Variants in IRAK3 observed in about 807,000 individuals in gnomAD.
IRAK3 encodes interleukin 1 receptor associated kinase 3.
IRAK3 carries 57 observed loss-of-function variants against 56.6 expected under a neutral mutation model. That is an observed-to-expected ratio of 1.01 (90% CI 0.81 to 1.26). The LOEUF is 1.26. IRAK3 is among the 50% of genes most tolerant of loss of function. IRAK3 has a pLI of 0.00. For synonymous variants in IRAK3, 258 were observed against 255.7 expected (o/e 1.01, Z -0.09); for missense variants, 703 against 719.0 (o/e 0.98, Z 0.25).
rs377162551 is a variant in IRAK3 at position 66,244,593 on chromosome 12, G to C, written c.995G>C (p.Ser332Thr). 1 of 1,613,034 alleles carries C rather than the reference G, an allele frequency of 6.2e-7. No homozygotes were observed. The highest frequency in any genetic ancestry group is 1.1e-5 in the South Asian group (1 of 91,030). ...CAGAGTTGTACCATAAATATGACCA[G>C]CAGCAGCAGTAAACATCTGTGGTAC... ...EHQSCTINMT[S>T]SSSKHLWYMP... The change falls in exon 9 of 12, where the codon AGC becomes ACC. Residue 332 changes from serine (S) to threonine (T), a missense_variant. Transcript: ENST00000261233.
intron 8 of IRAK3, among the ~76,000 whole-genome samples, chr12:66,237,953 A>G (rs980917045): frequency 3.3e-5 from 5 of 152,206 alleles, no homozygotes; most frequent in African/African-American, 4.8e-5. Flanking sequence ...AGTATCTTCT[A>G]TAGACTCAAC....
rs2053129886 is a variant in IRAK3 at position 66,254,130 on chromosome 12, A to C, written c.*5959A>C. 6.6e-6 allele frequency: 1 copy of C among 152,112 alleles called. No homozygotes were observed. The highest frequency in any genetic ancestry group is 6.5e-5 in the Admixed American group (1 of 15,276). The allele number at this position is 152,112 out of a possible 1,614,324, so 9.4% of individuals were successfully genotyped here. On this transcript the variant is annotated 3_prime_UTR_variant, in exon 12 of 12. Coordinates refer to ENST00000261233, the MANE Select transcript of IRAK3 (RefSeq NM_007199.3). Reference sequence around the variant, plus strand: ...AACCTTTCTAGAAGGCAATTTGGCAACATGTATGAAAACCTAAATGTTGAT... The same window carrying C: ...AACCTTTCTAGAAGGCAATTTGGCACCATGTATGAAAACCTAAATGTTGAT...
intron 8 of IRAK3, chr12:66,235,321 G>GCGCGGC (rs1555204815): frequency 8.6e-7 from 1 of 1,163,260 alleles, no homozygotes; most frequent in Non-Finnish European, 1.1e-6. Context: ...GCGGGCGCGG[G>GCGCGGC]GCAGCCTGGG....
chr12:66,246,248 C>T (rs145026497), intron 11 of IRAK3, among the ~76,000 whole-genome samples: 6 of 152,170 alleles, frequency 3.9e-5, no homozygotes, highest in Non-Finnish European at 5.9e-5. Context: ...AGAATGAATA[C>T]CTGCAAAGGC....
intron 1 of IRAK3, among the ~76,000 whole-genome samples, chr12:66,196,039 T>A: frequency 6.6e-6 from 1 of 152,076 alleles, no homozygotes; most frequent in Non-Finnish European, 1.5e-5. Flanking sequence ...ATATCATTTA[T>A]CACCTCTCAC....
intron 1 of IRAK3, among the ~76,000 whole-genome samples, chr12:66,193,886 T>A (rs2052423827): frequency 6.6e-6 from 1 of 152,248 alleles, no homozygotes; most frequent in Non-Finnish European, 1.5e-5. Context: ...TCTTACTTTT[T>A]GGAAGGAAGT....
rs761027805 is a variant in IRAK3 at position 66,203,729 on chromosome 12, G to C, written c.152G>C (p.Ser51Thr). 5 of 1,613,952 alleles carry C rather than the reference G, an allele frequency of 3.1e-6. No individual in the cohort carries two copies. Among genetic ancestry groups the C allele is most frequent in the Non-Finnish European group, 4.2e-6 (5 of 1,179,984 alleles). ...TCCACAGCAGAGAGACTTTCAAGCA[G>C]CTGGCTGGATGTTCGTCATATTGAA... ...WRGLAERLSS[S>T]WLDVRHIEKY... Residue 51 changes from serine to threonine, a missense_variant, in exon 2 of 12, where the codon AGC becomes ACC. Coordinates refer to ENST00000261233, the MANE Select transcript of IRAK3 (RefSeq NM_007199.3).
intron 1 of IRAK3, among the ~76,000 whole-genome samples, chr12:66,202,545 G>T (rs1179595361): frequency 6.6e-6 from 1 of 152,176 alleles, no homozygotes; most frequent in African/African-American, 2.4e-5. Context: ...GCCAAGGCGG[G>T]CAGATTGCTT....
chr12:66,225,747 A>C (rs1238671502), intron 6 of IRAK3, among the ~76,000 whole-genome samples: 1 of 142,566 alleles, frequency 7.0e-6, no homozygotes, highest in East Asian at 2.0e-4. Context: ...AATTATTAGG[A>C]AAAAAAAAAG....
chr12:66,246,810 G>A (rs2053037638), intron 11 of IRAK3, among the ~76,000 whole-genome samples: 1 of 152,176 alleles, frequency 6.6e-6, no homozygotes, highest in African/African-American at 2.4e-5. Context: ...ATGAAGGTAT[G>A]TTGTATGGTG....
At chr12:66,217,386 A>G in intron 6 of IRAK3, 151 bp downstream of exon 6, 2 of 746,564 alleles carry the variant, frequency 2.7e-6, no homozygotes, top group East Asian at 2.4e-5. Context: ...CTGCTTTAGT[A>G]TATTCCTTAA....
Position 66,245,268 on chromosome 12 carries a change from T to C in IRAK3, c.1314+6T>C. 1 of 1,613,858 alleles carries C rather than the reference T, an allele frequency of 6.2e-7. No individual in the cohort carries two copies. The highest frequency in any genetic ancestry group is 8.5e-7 in the Non-Finnish European group (1 of 1,179,804). ...TAAGACCATCAATGGATGAAGTGAG[T>C]ATATACATGGTTTTATTCAAAACTG... On this transcript the variant is annotated splice_donor_region_variant and intron_variant, in intron 11 of 11. Coordinates refer to ENST00000261233, the MANE Select transcript of IRAK3 (RefSeq NM_007199.3).
chr12:66,244,202 G>A (rs893629741), intron 8 of IRAK3, among the ~76,000 whole-genome samples: 1 of 152,220 alleles, frequency 6.6e-6, no homozygotes, highest in African/African-American at 2.4e-5. Flanking sequence ...GTTTCTCTTA[G>A]TGAGAAAGCA....
chr12:66,230,494 T>C lies in IRAK3; in HGVS notation c.887+2124T>C, dbSNP rs527647464. 4.6e-5 allele frequency among the ~76,000 whole-genome samples: 7 copies of C among 152,298 alleles called. No homozygotes were observed. In the East Asian group the frequency reaches 1.2e-3, roughly 25 times the overall value. On this transcript the variant is annotated intron_variant, in intron 8 of 11. Coordinates refer to ENST00000261233, the MANE Select transcript of IRAK3 (RefSeq NM_007199.3). ...GAGGCAGGCAGGGCACTCTGAGCTT[T>C]GCACCCCTGCATCTGACCAGCCCTC...
chr12:66,232,842 G>T (rs994695911), intron 8 of IRAK3, among the ~76,000 whole-genome samples: 6 of 152,188 alleles, frequency 3.9e-5, no homozygotes, highest in African/African-American at 1.2e-4. Context: ...CAAAATCTGT[G>T]TTAAACAGTG....
intron 1 of IRAK3, among the ~76,000 whole-genome samples, chr12:66,203,375 A>G (rs373665781): frequency 1.3e-5 from 2 of 152,304 alleles, no homozygotes; most frequent in African/African-American, 4.8e-5. Flanking sequence ...AGGGACCATC[A>G]TAGATTGGAG....
intron 6 of IRAK3, 91 bp from the exon 7 acceptor site, chr12:66,226,632 C>G: frequency 3.9e-6 from 3 of 773,052 alleles, no homozygotes; most frequent in Middle Eastern, 3.1e-4. Context: ...GGCCTATTCC[C>G]CATCCCACCT....
chr12:66,228,758 T>C (rs917309608), intron 8 of IRAK3, among the ~76,000 whole-genome samples: 1 of 152,208 alleles, frequency 6.6e-6, no homozygotes, highest in Non-Finnish European at 1.5e-5. Flanking sequence ...TCATTCTGTT[T>C]TTCACTTTCA....
intron 5 of IRAK3, among the ~76,000 whole-genome samples, chr12:66,213,978 C>T (rs2052639454): frequency 6.6e-6 from 1 of 152,082 alleles, no homozygotes; most frequent in East Asian, 1.9e-4. Flanking sequence ...CCTGGTGGAA[C>T]AAATAGCAGT....
Sources: gnomAD v4.1 joint callset for allele counts (sites outside exome capture counted in the v4.1 genomes callset) on GRCh38, gnomAD v4.1.1 for gene constraint, MANE v1.5 for transcripts, NCBI Gene and HGNC (gene_info 2026-07-23, HGNC 2026-07-21) for gene names.